SNX6: variants seen among roughly 807,000 people sequenced by gnomAD.
The protein encoded by SNX6 is sorting nexin 6, also known as sorting nexin-6.
In SNX6, 34 loss-of-function variants were observed where a neutral mutation model predicts 63.0. The observed-to-expected ratio is 0.54, with a 90% CI of 0.41 to 0.72. The LOEUF (loss-of-function observed/expected upper bound fraction) is 0.72. SNX6 is among the 30% of genes least tolerant of loss of function. The pLI is 0.00. For synonymous variants in SNX6, 170 were observed against 164.2 expected, an observed-to-expected ratio of 1.04 and a Z score of -0.27; for missense variants, 398 against 471.4, an observed-to-expected ratio of 0.84 and a Z score of 1.44.
chr14:34,628,052 T>C (rs1883895738), intron 2 of SNX6, among the ~76,000 whole-genome samples: 1 of 152,212 alleles, frequency 6.6e-6, no homozygotes, highest in Non-Finnish European at 1.5e-5. Flanking sequence ...TCCATCTTTC[T>C]TACTATTTAA....
Position 34,581,602 on chromosome 14 carries a change from TG to T in SNX6, c.795-3del. 1.4e-6 allele frequency: 2 copies of T among 1,479,170 alleles called. No individual in the cohort carries two copies. The highest frequency in any genetic ancestry group is 1.9e-6 in the Non-Finnish European group (2 of 1,065,470). The allele number at this position is 1,479,170 out of a possible 1,614,324, so 91.6% of individuals were successfully genotyped here. ...AGTTCTGAAACTTTGAGAAAAAACC[TG>T]GAAAGGAAAATATTTTCATCATATT... On this transcript the variant is annotated splice_region_variant and splice_polypyrimidine_tract_variant and intron_variant, in intron 9 of 13. Transcript: ENST00000362031.
intron 8 of SNX6, among the ~76,000 whole-genome samples, chr14:34,591,883 TC>T (rs2138318300): frequency 6.6e-6 from 1 of 152,282 alleles, no homozygotes; most frequent in East Asian, 1.9e-4. Flanking sequence ...AAAGTAGTGT[TC>T]TACGAAAAAA....
At chr14:34,611,493 A>C (rs1034258508) in intron 2 of SNX6, among the ~76,000 whole-genome samples, 3 of 150,590 alleles carry the variant, frequency 2.0e-5, no homozygotes, top group Non-Finnish European at 4.4e-5. Flanking sequence ...AAAAAAAAAA[A>C]GGGGGGGAGG....
intron 2 of SNX6, among the ~76,000 whole-genome samples, chr14:34,618,400 G>A (rs1312681714): frequency 6.6e-6 from 1 of 152,160 alleles, no homozygotes; most frequent in Non-Finnish European, 1.5e-5. Flanking sequence ...GCCAAGGCTG[G>A]AGTACAGTGG....
chr14:34,618,402 G>C (rs1004209476), intron 2 of SNX6, among the ~76,000 whole-genome samples: 1 of 152,128 alleles, frequency 6.6e-6, no homozygotes, highest in Non-Finnish European at 1.5e-5. Flanking sequence ...CAAGGCTGGA[G>C]TACAGTGGTG....
At chr14:34,568,631 C>A (rs940937804) in intron 11 of SNX6, 9 of 686,320 alleles carry the variant, frequency 1.3e-5, no homozygotes, top group African/African-American at 6.0e-5. Flanking sequence ...CTGCACTCAG[C>A]CTGTTTTTTT....
chr14:34,596,288 A>G (rs987202110), intron 7 of SNX6, among the ~76,000 whole-genome samples: 1 of 151,820 alleles, frequency 6.6e-6, no homozygotes, highest in African/African-American at 2.4e-5. Context: ...CTTTTTAATA[A>G]GTAAGTAAGG....
chr14:34,608,732 AAAT>A (rs1438182063), intron 3 of SNX6, among the ~76,000 whole-genome samples: 3 of 152,184 alleles, frequency 2.0e-5, no homozygotes, highest in Non-Finnish European at 2.9e-5. Context: ...AATCTAATAA[AAAT>A]AATAATTTGT....
intron 6 of SNX6, among the ~76,000 whole-genome samples, chr14:34,601,451 C>T (rs1190809616): frequency 6.6e-6 from 1 of 151,900 alleles, no homozygotes; most frequent in Non-Finnish European, 1.5e-5. Context: ...GTCTCAAACT[C>T]CTGACCTCGT....
At chr14:34,601,025 AAG>A (rs916195512) in intron 6 of SNX6, among the ~76,000 whole-genome samples, 7 of 152,194 alleles carry the variant, frequency 4.6e-5, no homozygotes, top group Admixed American at 2.6e-4. Context: ...AAAAAAAAAA[AAG>A]AGAGTTTTTA....
chr14:34,630,032 C>A, intron 1 of SNX6, 78 bp from the exon 2 acceptor site: 1 of 1,449,660 alleles, frequency 6.9e-7, no homozygotes, highest in South Asian at 1.4e-5. Context: ...TAGTGACAGG[C>A]TGGCGCGGTC....
intron 6 of SNX6, 99 bp from the exon 7 acceptor site, chr14:34,597,744 T>C (rs1882659259): frequency 1.5e-6 from 1 of 656,508 alleles, no homozygotes; most frequent in Non-Finnish European, 2.6e-6. Context: ...AGGATCCTAG[T>C]TTTTAATCTT....
intron 4 of SNX6, among the ~76,000 whole-genome samples, chr14:34,607,390 T>C (rs891999881): frequency 6.6e-6 from 1 of 151,888 alleles, no homozygotes. Context: ...GGGAATCACC[T>C]GAGGTCAGGA....
chr14:34,604,745 C>A (rs945448558), intron 5 of SNX6, among the ~76,000 whole-genome samples: 1 of 151,814 alleles, frequency 6.6e-6, no homozygotes, highest in Non-Finnish European at 1.5e-5. Context: ...CCAAAGTACT[C>A]CAAAATCTGA....
intron 11 of SNX6, 63 bp downstream of exon 11, chr14:34,575,693 G>A (rs1881665681): frequency 1.3e-6 from 1 of 777,802 alleles, no homozygotes; most frequent in Non-Finnish European, 2.1e-6. Flanking sequence ...ACAATCTGAA[G>A]TCTAACAAAC....
In SNX6 at chr14:34,586,306, C is replaced by G; in HGVS notation, c.719-1G>C. 6.2e-7 allele frequency: 1 copy of G among 1,600,826 alleles called. No individual in the cohort carries two copies. Among genetic ancestry groups the G allele is most frequent in the Non-Finnish European group, 8.6e-7 (1 of 1,169,552 alleles). On this transcript the variant is annotated splice_acceptor_variant, in intron 8 of 13. Transcript: ENST00000362031. LOFTEE classifies it high-confidence loss of function. ...ATTCTATTGTAATCATCTGCAGCAC[C>G]TATGGAGAAAGTTTTAAGAATTTAG...
chr14:34,616,778 T>C (rs1883433674), intron 2 of SNX6, among the ~76,000 whole-genome samples: 1 of 152,102 alleles, frequency 6.6e-6, no homozygotes, highest in Non-Finnish European at 1.5e-5. Flanking sequence ...TTGTGTTTCA[T>C]AAAAATTTAA....
At chr14:34,589,417 C>A (rs1166780992) in intron 8 of SNX6, among the ~76,000 whole-genome samples, 2 of 152,186 alleles carry the variant, frequency 1.3e-5, no homozygotes, top group African/African-American at 4.8e-5. Flanking sequence ...ACGCCACTCA[C>A]TCCAGCCTGG....
Position 34,567,856 on chromosome 14 carries a change from T to G in SNX6, c.1079A>C (p.Gln360Pro). 2 of 1,614,062 alleles carry G rather than the reference T, an allele frequency of 1.2e-6. No homozygotes were observed. The highest frequency in any genetic ancestry group is 1.7e-6 in the Non-Finnish European group (2 of 1,180,006). The change falls in exon 12 of 14, where the codon CAA (glutamine) becomes CCA (proline). Residue 360 changes from glutamine (Q) to proline (P), a missense_variant and splice_region_variant. Transcript: ENST00000362031. ...ATTAAAGGTTAACGTAACAGTACCT[T>G]GTTTTGCAGACTCAGATATTTTTTC... Reference protein sequence around the residue: ...KFEKISESAKQELIDFKTRRV... With the variant: ...KFEKISESAKPELIDFKTRRV...
Sources: gnomAD v4.1 joint callset for allele counts (sites outside exome capture counted in the v4.1 genomes callset) on GRCh38, gnomAD v4.1.1 for gene constraint, MANE v1.5 for transcripts, NCBI Gene and HGNC (gene_info 2026-07-23, HGNC 2026-07-21) for gene names.